Variants in ADAP1 observed in about 807,000 individuals in gnomAD.
The protein encoded by ADAP1 is arf-GAP with dual PH domain-containing protein 1.
A neutral mutation model predicts 54.9 loss-of-function variants in ADAP1; 31 were observed. The ratio of observed to expected loss-of-function variants is 0.56; its 90% CI spans 0.42 to 0.76. The LOEUF is 0.76. Ranked by LOEUF, ADAP1 falls within the 30% of genes least tolerant of loss-of-function variation. The probability of loss-of-function intolerance (pLI) is 0.00; values close to 1 mark genes in which losing one functional copy is unlikely to be tolerated. For missense variants in ADAP1, 535 were observed against 512.4 expected (o/e 1.04, Z -0.42); for synonymous variants, 313 against 202.6 (o/e 1.55, Z -4.63).
At chr7:950,403 A>T (rs113184427) in intron 1 of ADAP1, among the ~76,000 whole-genome samples, 18,112 of 149,958 alleles carry the variant, frequency 0.12, 1,283 homozygotes, top group Middle Eastern at 0.21. Flanking sequence ...GGAGAATGGC[A>T]TGAGCCTGGG....
intron 4 of ADAP1, among the ~76,000 whole-genome samples, chr7:912,472 G>T (rs938990010): frequency 6.6e-6 from 1 of 152,174 alleles, no homozygotes; most frequent in African/African-American, 2.4e-5. Flanking sequence ...AGTGACCTTG[G>T]CCCAGGGAGG....
chr7:920,002 G>T lies in ADAP1; in HGVS notation c.354C>A (p.Phe118Leu). Residue 118 changes from phenylalanine to leucine, a missense_variant, in exon 4 of 11, where the codon TTC (phenylalanine) becomes TTA (leucine). Phe to Leu is a conservative substitution (Grantham distance 22, BLOSUM62 0). Transcript: ENST00000265846. This position sits in a 1 kb window ranked among gnomAD's most constrained non-coding sequence, Gnocchi z 4.5. ...AGGGCTCCTGCTTCTCCGGGTAGAT[G>T]AACTCCTGTCGCTCGTACTTGGCCC... ...WIRAKYERQE[F>L]IYPEKQEPYS... is the part of the protein sequence containing the mutation. 1 of 1,607,896 alleles carries T rather than the reference G, an allele frequency of 6.2e-7. No individual in the cohort carries two copies.
At position 919,950 on chromosome 7, in the gene ADAP1, C is replaced by T. The variant is rs1846121254; in HGVS notation, c.388+18G>A. 1 of 1,595,864 alleles carries T rather than the reference C, an allele frequency of 6.3e-7. No individual in the cohort carries two copies. Among genetic ancestry groups the T allele is most frequent in the African/African-American group, 1.4e-5 (1 of 73,640 alleles). On this transcript the variant is annotated intron_variant, in intron 4 of 10. Transcript: ENST00000265846. ...GGAGAGGTAGCCGGGAGGCCCCACC[C>T]CACCCGGGTGGCCTCACCTGCCGAG...
At chr7:941,826 A>G (rs1425075146) in intron 1 of ADAP1, among the ~76,000 whole-genome samples, 1 of 152,264 alleles carries the variant, frequency 6.6e-6, no homozygotes, top group Non-Finnish European at 1.5e-5. Context: ...CAAAGGACCT[A>G]GAATAGCTAA....
chr7:935,599 A>G (rs1846727610), intron 1 of ADAP1, 94 bp from the exon 2 acceptor site: 12 of 1,476,328 alleles, frequency 8.1e-6, no homozygotes, highest in Non-Finnish European at 9.1e-6. Context: ...CCGGCCATGC[A>G]GTGGGGGGGG....
intron 6 of ADAP1, among the ~76,000 whole-genome samples, chr7:901,701 G>A (rs1844823732): frequency 7.4e-6 from 1 of 135,270 alleles, no homozygotes; most frequent in Non-Finnish European, 1.5e-5. Flanking sequence ...CTTCCTCCTA[G>A]GCCACGCCCA....
At position 900,027 on chromosome 7, in the gene ADAP1, G is replaced by A. The variant is rs1302601768; in HGVS notation, c.795+75C>T. ...TTAAAACACAGGCGGCAGCTGGCAAGGCTGCTGCACTTCAGTCCGAGACCC... is the reference window on the plus strand; with the variant it reads ...TTAAAACACAGGCGGCAGCTGGCAAAGCTGCTGCACTTCAGTCCGAGACCC... On this transcript the variant is annotated intron_variant, in intron 8 of 10. Coordinates refer to ENST00000265846, the MANE Select transcript of ADAP1 (RefSeq NM_006869.4). 5 of 1,551,450 alleles carry A rather than the reference G, an allele frequency of 3.2e-6. No individual in the cohort carries two copies. In the Admixed American group the frequency reaches 5.1e-5, roughly 16 times the overall value.
intron 7 of ADAP1, 118 bp from the exon 8 acceptor site, chr7:900,282 G>A: frequency 7.8e-7 from 1 of 1,277,916 alleles, no homozygotes; most frequent in Non-Finnish European, 1.1e-6. Flanking sequence ...GCCCAGGCCT[G>A]GCTTAGCCTC....
rs1320239446 is a variant in ADAP1, at chr7:946,313, A to G, written c.82+8083T>C. Among the ~76,000 whole-genome samples the G allele has an allele frequency of 1.3e-5, 2 of 152,066 alleles. No homozygotes were observed. The highest frequency in any genetic ancestry group is 4.8e-5 in the African/African-American group (2 of 41,390). Reference sequence around the variant, plus strand: ...CTCTGGAGCTCCTGGGTGGGCTGGCAGCCCACACCTCCTCTCTGCCCAGGC... The same window carrying G: ...CTCTGGAGCTCCTGGGTGGGCTGGCGGCCCACACCTCCTCTCTGCCCAGGC... On this transcript the variant is annotated intron_variant, in intron 1 of 10. Transcript: ENST00000265846. The surrounding 1 kb of genome is among the most constrained non-coding windows in gnomAD (Gnocchi z 4.3).
Position 926,006 on chromosome 7 carries a change from C to T in ADAP1, c.305+547G>A, listed in dbSNP as rs3757855. ...TGTGGTTGTCACCTCTCATTCCCAC[C>T]GTCCGGGCAGATGGGGAGACTGAGG... On this transcript the variant is annotated intron_variant, in intron 3 of 10. Transcript: ENST00000265846. This position sits in a 1 kb window ranked among gnomAD's most constrained non-coding sequence, Gnocchi z 4.6. 0.025 allele frequency among the ~76,000 whole-genome samples: 3,798 copies of T among 152,218 alleles called. 106 individuals are homozygous for T. Among genetic ancestry groups the T allele is most frequent in the East Asian group, 0.12 (642 of 5,154 alleles).
At chr7:930,549 T>C (rs1037975272) in intron 2 of ADAP1, among the ~76,000 whole-genome samples, 1 of 151,190 alleles carries the variant, frequency 6.6e-6, no homozygotes. Context: ...GCTGGCGCGG[T>C]GGCTCACGTC....
chr7:924,599 A>G (rs1458538773), intron 3 of ADAP1, among the ~76,000 whole-genome samples: 2 of 143,888 alleles, frequency 1.4e-5, no homozygotes, highest in Non-Finnish European at 3.0e-5. Context: ...GCAGGTCCAC[A>G]CTGCACCCCT....
intron 4 of ADAP1, 137 bp from the exon 5 acceptor site, chr7:905,309 G>GGATGGGGAGA (rs1845078833): frequency 3.4e-6 from 1 of 297,498 alleles, no homozygotes; most frequent in East Asian, 5.9e-5. Flanking sequence ...AGGGGGAGAC[G>GGATGGGGAGA]GACGGGGAGA....
chr7:933,361 C>T (rs942989936), intron 2 of ADAP1, among the ~76,000 whole-genome samples: 8 of 152,154 alleles, frequency 5.3e-5, no homozygotes, highest in South Asian at 2.1e-4. Flanking sequence ...CACACCTGGT[C>T]GAGGCACTGG....
chr7:937,047 ACC>A (rs1846782335), intron 1 of ADAP1, among the ~76,000 whole-genome samples: 1 of 146,014 alleles, frequency 6.8e-6, no homozygotes. Flanking sequence ...AGCAGGCTGA[ACC>A]TCGGATTTGG....
At chr7:935,909 G>T (rs780417703) in intron 1 of ADAP1, among the ~76,000 whole-genome samples, 109 of 152,340 alleles carry the variant, frequency 7.2e-4, no homozygotes, top group Middle Eastern at 6.8e-3. Flanking sequence ...GAATCCTCCT[G>T]GGTGATGGGG....
chr7:914,310 G>A (rs371278166), intron 4 of ADAP1, among the ~76,000 whole-genome samples: 9 of 152,228 alleles, frequency 5.9e-5, no homozygotes, highest in South Asian at 2.1e-4. Flanking sequence ...GGGCCCTGCC[G>A]CAGGGACTTC....
intron 3 of ADAP1, among the ~76,000 whole-genome samples, chr7:924,124 G>GTAA (rs1430757539): frequency 9.9e-4 from 33 of 33,186 alleles, no homozygotes; most frequent in East Asian, 3.5e-3. Flanking sequence ...GGTCCACGCT[G>GTAA]CACCCCCCGC....
At chr7:908,959 T>C (rs1845593729) in intron 4 of ADAP1, among the ~76,000 whole-genome samples, 1 of 152,136 alleles carries the variant, frequency 6.6e-6, no homozygotes, top group African/African-American at 2.4e-5. Flanking sequence ...CCGGGCTCCC[T>C]AGGCCACAGG....
Sources: gnomAD v4.1 joint callset for allele counts (sites outside exome capture counted in the v4.1 genomes callset) on GRCh38, gnomAD v4.1.1 for gene constraint, Gnocchi (gnomAD v3.1) non-coding constraint, MANE v1.5 for transcripts, NCBI Gene and HGNC (gene_info 2026-07-23, HGNC 2026-07-21) for gene names.